The following SEMA3D variants were observed in gnomAD, a reference collection of about 807,000 sequenced individuals.
SEMA3D encodes semaphorin 3D.
SEMA3D carries 84 observed loss-of-function variants against 100.1 expected under a neutral mutation model. The observed-to-expected ratio is 0.84, with a 90% CI of 0.70 to 1.01. The LOEUF (loss-of-function observed/expected upper bound fraction) is 1.01, where lower values mean the gene tolerates loss of function less well. SEMA3D is among the 50% of genes least tolerant of loss of function. The probability of loss-of-function intolerance (pLI) is 0.00; values close to 1 mark genes in which losing one functional copy is unlikely to be tolerated. For synonymous variants in SEMA3D, 312 were observed against 320.7 expected (o/e 0.97, Z 0.29); for missense variants, 875 against 934.1 (o/e 0.94, Z 0.82).
chr7:85,141,118 T>A (rs1365723398), intron 2 of SEMA3D: 11 of 983,350 alleles, frequency 1.1e-5, no homozygotes, highest in Non-Finnish European at 1.2e-5. Context: ...TCAAAACTGT[T>A]TTTATAGGTG....
intron 9 of SEMA3D, among the ~76,000 whole-genome samples, chr7:85,043,303 G>A (rs1485889596): frequency 2.0e-5 from 3 of 152,014 alleles, no homozygotes; most frequent in Non-Finnish European, 4.4e-5. Flanking sequence ...AGGCTGCAGT[G>A]AGCCATGTTT....
At chr7:85,109,545 G>C (rs1453750066) in intron 3 of SEMA3D, among the ~76,000 whole-genome samples, 4 of 151,734 alleles carry the variant, frequency 2.6e-5, no homozygotes, top group Admixed American at 2.0e-4. Flanking sequence ...ACCCCTTTAT[G>C]ACCATCTTTA....
chr7:85,122,063 A>G, intron 2 of SEMA3D, 132 bp from the exon 3 acceptor site: 1 of 533,836 alleles, frequency 1.9e-6, no homozygotes, highest in Non-Finnish European at 3.2e-6. Flanking sequence ...CAGGGAGGGG[A>G]ACATAGCATA....
the SEMA3D span, among the ~76,000 whole-genome samples, chr7:85,249,614 T>C: frequency 1.3e-5 from 2 of 152,288 alleles, no homozygotes; most frequent in East Asian, 1.9e-4. Context: ...TAAAAAACAA[T>C]TGAGGACCTA....
rs56131427 is a variant in SEMA3D at position 85,055,645 on chromosome 7, CATATATATATATATATATATATATAT to C, written c.861+46_861+71del. Reference sequence around the variant, plus strand: ...AACCTTGCCAAAGTTTTTTCATATACATATATATATATATATATATATATATATATATATATATATGTTTTAAGTAA... The same window carrying C: ...AACCTTGCCAAAGTTTTTTCATATACATATATATATATATGTTTTAAGTAA... On this transcript the variant is annotated intron_variant, in intron 9 of 18. Coordinates refer to ENST00000284136, the MANE Select transcript of SEMA3D (RefSeq NM_001384900.1). 1.0e-4 allele frequency: 16 copies of C among 159,808 alleles called. 2 individuals are homozygous for C. The highest frequency in any genetic ancestry group is 3.9e-4 in the Admixed American group (4 of 10,346). The allele number at this position is 159,808 out of a possible 1,614,324, so 9.9% of individuals were successfully genotyped here. A position where few individuals can be genotyped will look rare whatever the true frequency, so the allele number is the denominator to read the frequency against.
intron 4 of SEMA3D, among the ~76,000 whole-genome samples, chr7:85,094,181 A>G (rs769660672): frequency 2.6e-5 from 4 of 151,918 alleles, no homozygotes; most frequent in Admixed American, 6.6e-5. Context: ...GAGAACAATG[A>G]ATAGTTAACA....
At chr7:85,126,526 T>A (rs1789576398) in intron 2 of SEMA3D, among the ~76,000 whole-genome samples, 1 of 151,890 alleles carries the variant, frequency 6.6e-6, no homozygotes, top group Non-Finnish European at 1.5e-5. Context: ...ACATATAAGG[T>A]CACTTGAGAA....
intron 1 of SEMA3D, chr7:85,160,043 A>AT: frequency 1.1e-6 from 1 of 943,394 alleles, no homozygotes; most frequent in Non-Finnish European, 1.3e-6. Context: ...CTGAACTGTT[A>AT]TTTTATTGAA....
At position 85,180,317 on chromosome 7, in the gene SEMA3D, T is replaced by G. The variant is rs956424233; in HGVS notation, c.-173+6361A>C. Among the ~76,000 whole-genome samples the G allele has an allele frequency of 2.0e-5, 3 of 152,292 alleles. 1 individual carries two copies. The highest frequency in any genetic ancestry group is 7.2e-5 in the African/African-American group (3 of 41,566). ...GCTGCCATGTGAAGAAGGACATGTT[T>G]GCTTCCCCTTCCACTATGATTATAA... On this transcript the variant is annotated intron_variant, in intron 1 of 18. Transcript: ENST00000284136.
At chr7:85,241,075 T>C in the SEMA3D span, among the ~76,000 whole-genome samples, 1 of 151,916 alleles carries the variant, frequency 6.6e-6, no homozygotes, top group Non-Finnish European at 1.5e-5. Context: ...ATGCTCAACA[T>C]CACTAATTAT....
chr7:85,192,901 G>T, the SEMA3D span, among the ~76,000 whole-genome samples: 1 of 151,922 alleles, frequency 6.6e-6, no homozygotes, highest in Admixed American at 6.6e-5. Context: ...GTCTACATTA[G>T]GAGTCTATGA....
At chr7:85,017,086 T>C (rs1393923985) in intron 15 of SEMA3D, among the ~76,000 whole-genome samples, 1 of 151,746 alleles carries the variant, frequency 6.6e-6, no homozygotes. Context: ...CACAAACTTA[T>C]TACAATAAGC....
At chr7:85,106,121 T>C (rs2040955) in intron 3 of SEMA3D, among the ~76,000 whole-genome samples, 4,170 of 152,170 alleles carry the variant, frequency 0.027, 76 homozygotes, top group Non-Finnish European at 0.045. Flanking sequence ...TATAAATATC[T>C]AGTACATTTC....
intron 4 of SEMA3D, among the ~76,000 whole-genome samples, chr7:85,088,229 G>A (rs571775939): frequency 6.6e-6 from 1 of 152,126 alleles, no homozygotes; most frequent in Non-Finnish European, 1.5e-5. Context: ...TGTTAGGCAA[G>A]TTACAGAAAC....
At chr7:85,070,409 C>T (rs904056286) in intron 6 of SEMA3D, among the ~76,000 whole-genome samples, 1 of 152,144 alleles carries the variant, frequency 6.6e-6, no homozygotes, top group African/African-American at 2.4e-5. Context: ...TCCCATTGCC[C>T]CAGCCACACT....
At position 85,177,317 on chromosome 7, in the gene SEMA3D, A is replaced by G. The variant is rs115876061; in HGVS notation, c.-173+9361T>C. 5.3e-3 allele frequency among the ~76,000 whole-genome samples: 804 copies of G among 152,278 alleles called. 5 individuals are homozygous for G. Among genetic ancestry groups the G allele is most frequent in the African/African-American group, 0.018 (750 of 41,558 alleles). On this transcript the variant is annotated intron_variant, in intron 1 of 18. Transcript: ENST00000284136. ...TCTAAAAGTTATTTTGGGGGGAGGT[A>G]GAAGCCTCTTGGGTATAATTTAATA...
chr7:85,028,018 C>T, intron 12 of SEMA3D: 1 of 574,940 alleles, frequency 1.7e-6, no homozygotes, highest in Non-Finnish European at 3.3e-6. Flanking sequence ...ATGAACCGTG[C>T]CAGCATGGCT....
Position 85,065,459 on chromosome 7 carries a change from A to G in SEMA3D, c.683T>C (p.Ile228Thr), listed in dbSNP as rs755000896. The G allele has an allele frequency of 1.1e-5, 17 of 1,613,352 alleles. No homozygotes were observed. In the Admixed American group the frequency reaches 2.7e-4, roughly 25 times the overall value. ...GTAGTGCTCTGAAATGTCAGTTCTG[A>G]TGTAGTGGTGGTCATGAGTAGGCCC... ...SLGPTHDHHY[I>T]RTDISEHYWL... The change falls in exon 8 of 19, where the codon ATC becomes ACC. Residue 228 changes from isoleucine to threonine, a missense_variant. Physicochemically the swap from Ile to Thr is moderately conservative, Grantham distance 89. Transcript: ENST00000284136.
At chr7:85,074,058 T>C (rs1297776712) in intron 5 of SEMA3D, among the ~76,000 whole-genome samples, 1 of 152,220 alleles carries the variant, frequency 6.6e-6, no homozygotes, top group Non-Finnish European at 1.5e-5. Flanking sequence ...TATCTTTACA[T>C]AAATGTTACA....
Sources: allele counts gnomAD v4.1 joint callset (sites outside exome capture counted in the v4.1 genomes callset), GRCh38; gene constraint gnomAD v4.1.1; transcripts MANE v1.5; gene names NCBI Gene and HGNC (gene_info 2026-07-23, HGNC 2026-07-21).